ADAM18: variants seen among roughly 807,000 people sequenced by gnomAD.
The protein encoded by ADAM18 is ADAM metallopeptidase domain 18, also known as disintegrin and metalloproteinase domain-containing protein 18.
ADAM18 carries 117 observed loss-of-function variants against 94.4 expected under a neutral mutation model. The ratio of observed to expected loss-of-function variants is 1.24; its 90% CI spans 1.07 to 1.45. ADAM18 has a LOEUF of 1.45. Ranked by LOEUF, ADAM18 falls within the 40% of genes most tolerant of loss-of-function variation. The pLI, the probability that ADAM18 is intolerant of heterozygous loss-of-function variation, is 0.00. For synonymous variants in ADAM18, 327 were observed against 291.6 expected, an observed-to-expected ratio of 1.12 and a Z score of -1.24; for missense variants, 936 against 880.0, an observed-to-expected ratio of 1.06 and a Z score of -0.81.
Position 39,633,392 on chromosome 8 carries a change from A to C in ADAM18, c.589-3872A>C, listed in dbSNP as rs558072792. ...TGAAGGGTGATTCTGATGAGAGCTC[A>C]TAAGAAGAGAAGTAGGGAAGTTGTG... On this transcript the variant is annotated intron_variant, in intron 7 of 19. Coordinates refer to ENST00000265707, the MANE Select transcript of ADAM18 (RefSeq NM_014237.3). Among the ~76,000 whole-genome samples the C allele has an allele frequency of 9.3e-4, 141 of 152,348 alleles. 1 individual carries two copies. The highest frequency in any genetic ancestry group is 1.6e-3 in the Non-Finnish European group (111 of 68,026).
At chr8:39,597,996 C>A (rs537080337) in intron 2 of ADAM18, among the ~76,000 whole-genome samples, 15 of 152,238 alleles carry the variant, frequency 9.9e-5, no homozygotes, top group African/African-American at 3.6e-4. Flanking sequence ...ACATATTTTG[C>A]TAGATTTGTA....
At chr8:39,723,603 T>A (rs1822818183) in intron 18 of ADAM18, 145 bp from the exon 19 acceptor site, 1 of 493,796 alleles carries the variant, frequency 2.0e-6, no homozygotes, top group Non-Finnish European at 3.3e-6. Flanking sequence ...AGCACTGTAG[T>A]TTGCATTTAT....
intron 2 of ADAM18, among the ~76,000 whole-genome samples, chr8:39,587,825 T>C (rs1409402585): frequency 6.6e-6 from 1 of 152,202 alleles, no homozygotes; most frequent in Non-Finnish European, 1.5e-5. Context: ...TCATTTAACA[T>C]AACATAATGT....
chr8:39,719,903 A>G (rs549426454), intron 18 of ADAM18, among the ~76,000 whole-genome samples: 1 of 151,636 alleles, frequency 6.6e-6, no homozygotes, highest in South Asian at 2.1e-4. Context: ...CAATTTACCC[A>G]GTAGAATAGA....
chr8:39,587,858 A>G (rs543495443), intron 2 of ADAM18, among the ~76,000 whole-genome samples: 1 of 152,316 alleles, frequency 6.6e-6, no homozygotes, highest in Admixed American at 6.5e-5. Flanking sequence ...TTCACGTCTC[A>G]AATAGGATTT....
chr8:39,683,145 T>C (rs1457446274), intron 16 of ADAM18, among the ~76,000 whole-genome samples: 1 of 152,200 alleles, frequency 6.6e-6, no homozygotes, highest in East Asian at 1.9e-4. Context: ...CTTACTTGGA[T>C]GAAATAAGCT....
At chr8:39,629,879 C>A (rs1819884850) in intron 7 of ADAM18, among the ~76,000 whole-genome samples, 1 of 151,944 alleles carries the variant, frequency 6.6e-6, no homozygotes, top group African/African-American at 2.4e-5. Context: ...GCCTAGAATG[C>A]CCTACACTAT....
chr8:39,724,807 G>A (rs1033576509), intron 19 of ADAM18, among the ~76,000 whole-genome samples: 1 of 151,602 alleles, frequency 6.6e-6, no homozygotes, highest in Non-Finnish European at 1.5e-5. Flanking sequence ...TCTTCCCTTG[G>A]ACTCATACAT....
chr8:39,604,838 C>T (rs1362208869), intron 2 of ADAM18: 2 of 152,096 alleles, frequency 1.3e-5, no homozygotes, highest in African/African-American at 2.4e-5. Context: ...ATGGTTTTCT[C>T]AGGAGTGATT....
intron 14 of ADAM18, among the ~76,000 whole-genome samples, chr8:39,669,064 T>C (rs921793711): frequency 6.6e-6 from 1 of 152,050 alleles, no homozygotes; most frequent in Non-Finnish European, 1.5e-5. Context: ...TATGTGTGTG[T>C]GTTTTGTTTT....
chr8:39,684,273 A>G (rs193176994), intron 16 of ADAM18, among the ~76,000 whole-genome samples: 36 of 151,850 alleles, frequency 2.4e-4, no homozygotes, highest in Admixed American at 2.0e-3. Context: ...TTTTTTCCCA[A>G]TCTTTTATTT....
intron 2 of ADAM18, among the ~76,000 whole-genome samples, chr8:39,605,365 A>G (rs1819043910): frequency 6.6e-6 from 1 of 152,126 alleles, no homozygotes; most frequent in Admixed American, 6.6e-5. Flanking sequence ...CATTGTTAGT[A>G]CCCAATTTGT....
intron 18 of ADAM18, among the ~76,000 whole-genome samples, chr8:39,717,063 T>A (rs1822597646): frequency 6.6e-6 from 1 of 151,910 alleles, no homozygotes; most frequent in African/African-American, 2.4e-5. Flanking sequence ...ATGGAATATC[T>A]TGTATTTATT....
Position 39,594,094 on chromosome 8 carries a change from T to C in ADAM18, c.132+8742T>C, listed in dbSNP as rs142207489. Among the ~76,000 whole-genome samples the C allele has an allele frequency of 1.6e-3, 237 of 152,278 alleles. 6 individuals carry two copies. Among genetic ancestry groups the C allele is most frequent in the Admixed American group, 0.014 (208 of 15,276 alleles). ...TTATGTATAAATTACCAGAATAACA[T>C]AGTTTTTTGCTGTGGGGTTGGTTCA... On this transcript the variant is annotated intron_variant, in intron 2 of 19. Coordinates refer to ENST00000265707, the MANE Select transcript of ADAM18 (RefSeq NM_014237.3).
intron 13 of ADAM18, among the ~76,000 whole-genome samples, chr8:39,667,479 T>C (rs1821023498): frequency 6.6e-6 from 1 of 152,132 alleles, no homozygotes; most frequent in South Asian, 2.1e-4. Context: ...TATGTATTGT[T>C]CTAAGAACTT....
intron 15 of ADAM18, among the ~76,000 whole-genome samples, chr8:39,678,291 C>T (rs973906621): frequency 9.9e-5 from 15 of 152,130 alleles, no homozygotes; most frequent in Non-Finnish European, 2.1e-4. Flanking sequence ...CAGTATTGTT[C>T]AAAGCAATAC....
intron 17 of ADAM18, among the ~76,000 whole-genome samples, chr8:39,703,858 C>T (rs1166801875): frequency 3.9e-5 from 6 of 152,016 alleles, no homozygotes; most frequent in Non-Finnish European, 8.8e-5. Flanking sequence ...CAAGTACACA[C>T]AATCAGAAAT....
chr8:39,712,453 C>A (rs1481171387), intron 18 of ADAM18, among the ~76,000 whole-genome samples: 1 of 152,038 alleles, frequency 6.6e-6, no homozygotes, highest in Non-Finnish European at 1.5e-5. Flanking sequence ...GGCAATCAGG[C>A]AAGATAAAGA....
At chr8:39,729,375 G>A (rs908987787) in intron 19 of ADAM18, among the ~76,000 whole-genome samples, 1 of 152,090 alleles carries the variant, frequency 6.6e-6, no homozygotes, top group Non-Finnish European at 1.5e-5. Context: ...TAAGGAAATT[G>A]TGAAAAAATT....
Sources: gnomAD v4.1 joint callset for allele counts (sites outside exome capture counted in the v4.1 genomes callset) on GRCh38, gnomAD v4.1.1 for gene constraint, MANE v1.5 for transcripts, NCBI Gene and HGNC (gene_info 2026-07-23, HGNC 2026-07-21) for gene names.